ANKRD36: variants seen among roughly 807,000 people sequenced by gnomAD.
ANKRD36 encodes the protein ankyrin repeat domain-containing protein 36A.
In ANKRD36, 179 loss-of-function variants were observed where a neutral mutation model predicts 278.1. The observed-to-expected ratio is 0.64, with a 90% CI of 0.57 to 0.73. ANKRD36 has a LOEUF of 0.73. Among genes scored for constraint, ANKRD36 ranks in the 30% least tolerant of loss-of-function variants. ANKRD36 has a pLI of 0.00. For synonymous variants in ANKRD36, 320 were observed against 641.1 expected, an observed-to-expected ratio of 0.50 and a Z score of 7.57; for missense variants, 1,159 against 1,956.7, an observed-to-expected ratio of 0.59 and a Z score of 7.69.
rs1478376544 is a variant in ANKRD36, at chr2:97,123,515, G to A, written c.593+522G>A. Reference sequence around the variant, plus strand: ...TCCCTAGCTTTCCCACTTGCTAGATGTGTGACCTTGGTAACATTACTTATT... The same window carrying A: ...TCCCTAGCTTTCCCACTTGCTAGATATGTGACCTTGGTAACATTACTTATT... On this transcript the variant is annotated intron_variant, in intron 4 of 75. Transcript: ENST00000420699. Among the ~76,000 whole-genome samples, 3 of 82,710 alleles carry A rather than the reference G, an allele frequency of 3.6e-5. 1 individual carries two copies. Among genetic ancestry groups the A allele is most frequent in the Non-Finnish European group, 1.2e-4 (3 of 24,418 alleles). The allele number at this position is 82,710 out of a possible 152,430, so 54.3% of individuals were successfully genotyped here.
chr2:97,212,981 G>A (rs1413643016), intron 58 of ANKRD36: 4 of 334,790 alleles, frequency 1.2e-5, no homozygotes, highest in Non-Finnish European at 2.2e-5. Context: ...TCAGTTATTG[G>A]GCAAGTTAAA....
At chr2:97,211,803 C>G (rs1489444304) in intron 58 of ANKRD36, 62 bp downstream of exon 58, 2 of 1,491,874 alleles carry the variant, frequency 1.3e-6, no homozygotes, top group Non-Finnish European at 1.8e-6. Flanking sequence ...TTCTCTTCAC[C>G]AAATAAAACA....
rs754525036 is a variant in ANKRD36 at position 97,192,809 on chromosome 2, C to T, written c.2348-49C>T. On this transcript the variant is annotated intron_variant, in intron 36 of 75. Transcript: ENST00000420699. ...AAACACTTCATGAATGTATGGATAA[C>T]TTTGTCATAGTTACATATGAGTGAT... The T allele has an allele frequency of 6.5e-5, 102 of 1,569,876 alleles. 4 individuals are homozygous for T. The East Asian group carries it at 1.5e-3, about 24-fold the overall frequency.
chr2:97,218,706 G>A (rs1220007067), intron 64 of ANKRD36, among the ~76,000 whole-genome samples: 1 of 152,106 alleles, frequency 6.6e-6, no homozygotes, highest in Admixed American at 6.6e-5. Context: ...GTTAGCACTA[G>A]CTTTTACACT....
chr2:97,181,504 A>G, intron 24 of ANKRD36, 94 bp from the exon 25 acceptor site: 5 of 1,548,000 alleles, frequency 3.2e-6, no homozygotes, highest in Non-Finnish European at 4.3e-6. Context: ...TAGTACAGGC[A>G]GGAAGATACA....
At chr2:97,124,716 C>G in intron 5 of ANKRD36, 119 bp downstream of exon 5, 1 of 1,234,432 alleles carries the variant, frequency 8.1e-7, no homozygotes, top group Non-Finnish European at 1.1e-6. Context: ...TTTCAAGTGA[C>G]AAATTTTCAA....
intron 46 of ANKRD36, among the ~76,000 whole-genome samples, chr2:97,201,421 A>T (rs2061347633): frequency 6.6e-6 from 1 of 151,930 alleles, no homozygotes; most frequent in South Asian, 2.1e-4. Flanking sequence ...GAATATTGGA[A>T]TGATTTCTGA....
In ANKRD36 at chr2:97,124,390, G is replaced by A. The variant is rs1235580191; in HGVS notation, c.594-70G>A. Reference sequence around the variant, plus strand: ...TCTACATGGACAGGCAACATATTAAGTTGATAAAGTATATAAACTTAGCTT... The same window carrying A: ...TCTACATGGACAGGCAACATATTAAATTGATAAAGTATATAAACTTAGCTT... On this transcript the variant is annotated intron_variant, in intron 4 of 75. Coordinates refer to ENST00000420699, the MANE Select transcript of ANKRD36 (RefSeq NM_001354587.1). The A allele has an allele frequency of 2.0e-6, 3 of 1,494,914 alleles. No homozygotes were observed. In the East Asian group the frequency reaches 7.5e-5, roughly 37 times the overall value. 92.6% of individuals were successfully genotyped at this position (1,494,914 alleles called of 1,614,324 possible). A position where few individuals can be genotyped will look rare whatever the true frequency, so the allele number is the denominator to read the frequency against.
chr2:97,220,755 A>ATT (rs2067293260), intron 66 of ANKRD36, among the ~76,000 whole-genome samples: 19 of 66,856 alleles, frequency 2.8e-4, no homozygotes, highest in East Asian at 1.3e-3. Flanking sequence ...TTTAATTTTT[A>ATT]ATTTTCTTTT....
At chr2:97,157,365 T>C (rs199767064) in intron 15 of ANKRD36, among the ~76,000 whole-genome samples, 1 of 151,084 alleles carries the variant, frequency 6.6e-6, no homozygotes. Context: ...GTCTCTTTTT[T>C]TGTTTGTTGC....
rs758135051 is a variant in ANKRD36, at chr2:97,190,928, C to G, written c.2246-50C>G. The G allele has an allele frequency of 8.2e-6, 13 of 1,593,824 alleles. 1 individual carries two copies. The South Asian group carries it at 1.2e-4, about 15-fold the overall frequency. The stretch of plus-strand genomic sequence containing the variant: ...TAACACTGTGTGAATGTATGGATAA[C>G]TTTATCATGTTTATATATGAGTGAT... On this transcript the variant is annotated intron_variant, in intron 34 of 75. Coordinates refer to ENST00000420699, the MANE Select transcript of ANKRD36 (RefSeq NM_001354587.1).
intron 20 of ANKRD36, 124 bp from the exon 21 acceptor site, chr2:97,167,453 G>C: frequency 6.7e-7 from 1 of 1,501,030 alleles, no homozygotes; most frequent in Non-Finnish European, 8.8e-7. Flanking sequence ...CTTCAGTTAA[G>C]AGGATCACAT....
At chr2:97,137,179 C>T (rs900830687) in intron 6 of ANKRD36, among the ~76,000 whole-genome samples, 3 of 151,866 alleles carry the variant, frequency 2.0e-5, no homozygotes, top group Non-Finnish European at 2.9e-5. Context: ...TGAAGTCTCA[C>T]TTTGTCACCC....
rs1462184993 is a variant in ANKRD36 at position 97,213,612 on chromosome 2, C to A, written c.3569C>A (p.Thr1190Lys). 1.8e-6 allele frequency: 1 copy of A among 568,894 alleles called. No homozygotes were observed. The highest frequency in any genetic ancestry group is 2.1e-5 in the South Asian group (1 of 46,554). 35.2% of individuals were successfully genotyped at this position (568,894 alleles called of 1,614,324 possible). A position where few individuals can be genotyped will look rare whatever the true frequency, so the allele number is the denominator to read the frequency against. ...TEIKDGQQSG[T>K]VSSQKQPAWK... ...ATAAAGGATGGACAACAATCTGGAA[C>A]AGGTAATTTTGCAAAACACATTTAA... Residue 1190 changes from threonine (T) to lysine (K), a missense_variant and splice_region_variant, in exon 60 of 76, where the codon ACA becomes AAA. Thr to Lys is a moderately conservative substitution (Grantham distance 78). Transcript: ENST00000420699.
intron 67 of ANKRD36, among the ~76,000 whole-genome samples, chr2:97,231,342 G>T (rs536096718): frequency 6.6e-6 from 1 of 152,268 alleles, no homozygotes; most frequent in East Asian, 2.0e-4. Flanking sequence ...GCAATGGCAG[G>T]TGCCCCTCCC....
intron 36 of ANKRD36, 130 bp from the exon 37 acceptor site, chr2:97,192,728 A>T: frequency 7.6e-7 from 1 of 1,308,258 alleles, no homozygotes; most frequent in African/African-American, 1.5e-5. Context: ...CCCCAGACTA[A>T]AAGTAGAAGC....
chr2:97,237,224 TA>T (rs1181052594), intron 68 of ANKRD36, among the ~76,000 whole-genome samples: 5 of 151,584 alleles, frequency 3.3e-5, no homozygotes, highest in African/African-American at 2.4e-5. Context: ...GAGGTTCAGA[TA>T]TTTTTTTGTA....
At chr2:97,174,610 C>A (rs1021908360) in intron 22 of ANKRD36, among the ~76,000 whole-genome samples, 4 of 151,584 alleles carry the variant, frequency 2.6e-5, no homozygotes, top group Non-Finnish European at 5.9e-5. Context: ...AATTGAATAC[C>A]CTTTATTTCC....
chr2:97,129,000 T>C (rs2039359048), intron 6 of ANKRD36, among the ~76,000 whole-genome samples: 1 of 152,152 alleles, frequency 6.6e-6, no homozygotes. Flanking sequence ...ATGGGATGGC[T>C]GGGTCAAATG....
Sources: gnomAD v4.1 joint callset for allele counts (sites outside exome capture counted in the v4.1 genomes callset) on GRCh38, gnomAD v4.1.1 for gene constraint, MANE v1.5 for transcripts, NCBI Gene and HGNC (gene_info 2026-07-23, HGNC 2026-07-21) for gene names.